ADGRL3: variants seen among roughly 807,000 people sequenced by gnomAD.
ADGRL3 encodes the protein adhesion G protein-coupled receptor L3.
ADGRL3 carries 62 observed loss-of-function variants against 153.5 expected under a neutral mutation model. The ratio of observed to expected loss-of-function variants is 0.40; its 90% CI spans 0.33 to 0.50. ADGRL3 has a LOEUF of 0.50. Ranked by LOEUF, ADGRL3 falls within the 20% of genes least tolerant of loss-of-function variation. ADGRL3 has a pLI of 0.47. For synonymous variants in ADGRL3, 710 were observed against 672.5 expected (o/e 1.06, Z -0.86); for missense variants, 1,641 against 1,859.4 (o/e 0.88, Z 2.16).
chr4:61,828,996 A>C (rs1360843147), intron 9 of ADGRL3, among the ~76,000 whole-genome samples: 2 of 152,150 alleles, frequency 1.3e-5, no homozygotes, highest in African/African-American at 4.8e-5. Context: ...ATTTGTAGGG[A>C]AATGATTTGT....
intron 4 of ADGRL3, among the ~76,000 whole-genome samples, chr4:61,531,434 A>T (rs985246000): frequency 6.6e-6 from 1 of 152,132 alleles, no homozygotes; most frequent in African/African-American, 2.4e-5. Flanking sequence ...GCCTTGCGTC[A>T]TTCTGTGGCA....
chr4:61,517,554 G>T (rs2098504685), intron 4 of ADGRL3, 36 bp downstream of exon 4: 1 of 696,920 alleles, frequency 1.4e-6, no homozygotes, highest in African/African-American at 1.8e-5. Flanking sequence ...GCTGGGGGTG[G>T]CTGGGCAGGG....
intron 1 of ADGRL3, among the ~76,000 whole-genome samples, chr4:61,223,797 C>T (rs1268139559): frequency 6.6e-6 from 1 of 152,140 alleles, no homozygotes; most frequent in Non-Finnish European, 1.5e-5. Flanking sequence ...AGCAAGCCAT[C>T]AGCTTCTAAG....
chr4:61,961,003 T>C (rs577803887), intron 17 of ADGRL3, among the ~76,000 whole-genome samples: 1 of 152,266 alleles, frequency 6.6e-6, no homozygotes, highest in South Asian at 2.1e-4. Context: ...CCACTGCACC[T>C]GGCCTAGTTT....
In ADGRL3 at chr4:61,305,518, C is replaced by G. The variant is rs947188964; in HGVS notation, c.-239-77606C>G. Among the ~76,000 whole-genome samples, 13 of 152,236 alleles carry G rather than the reference C, an allele frequency of 8.5e-5. 1 individual carries two copies. Among genetic ancestry groups the G allele is most frequent in the Admixed American group, 8.5e-4 (13 of 15,280 alleles). On this transcript the variant is annotated intron_variant, in intron 1 of 26. Coordinates refer to ENST00000683033, the MANE Select transcript of ADGRL3 (RefSeq NM_001387552.1). Reference sequence around the variant, plus strand: ...TTGGAGGGTCTGGGGCAAACCTTTTCTAAATGGACTGGCTTTTACTCAGCT... The same window carrying G: ...TTGGAGGGTCTGGGGCAAACCTTTTGTAAATGGACTGGCTTTTACTCAGCT...
chr4:61,567,861 A>G (rs554196254), intron 4 of ADGRL3, among the ~76,000 whole-genome samples: 3 of 152,308 alleles, frequency 2.0e-5, no homozygotes, highest in African/African-American at 7.2e-5. Flanking sequence ...ATTAAGAAGA[A>G]AAAATAATAG....
intron 9 of ADGRL3, among the ~76,000 whole-genome samples, chr4:61,828,665 C>T (rs1385312748): frequency 6.6e-6 from 1 of 152,166 alleles, no homozygotes; most frequent in Non-Finnish European, 1.5e-5. Context: ...GCTCTAGAGA[C>T]TGTCTTAATG....
chr4:61,452,339 TCTGCCCAG>T (rs1268155077), intron 2 of ADGRL3, among the ~76,000 whole-genome samples: 1 of 151,718 alleles, frequency 6.6e-6, no homozygotes, highest in African/African-American at 2.4e-5. Context: ...CTGCTTCCCT[TCTGCCCAG>T]TTCTGCTTCC....
chr4:61,819,316 TGA>T lies in ADGRL3; in HGVS notation c.1480+5430_1480+5431del, dbSNP rs931142795. Reference sequence around the variant, plus strand: ...ATTCTATCTCCAGTAATTTTTTTTGTGAGATTATATAGCAATATCCTTTGAAT... The same window carrying T: ...ATTCTATCTCCAGTAATTTTTTTTGTGATTATATAGCAATATCCTTTGAAT... On this transcript the variant is annotated intron_variant, in intron 9 of 26. Coordinates refer to ENST00000683033, the MANE Select transcript of ADGRL3 (RefSeq NM_001387552.1). Among the ~76,000 whole-genome samples, 125 of 152,274 alleles carry T rather than the reference TGA, an allele frequency of 8.2e-4. 2 individuals carry two copies. Among genetic ancestry groups the T allele is most frequent in the Non-Finnish European group, 3.5e-4 (24 of 67,988 alleles).
intron 6 of ADGRL3, among the ~76,000 whole-genome samples, chr4:61,685,543 G>A (rs746810860): frequency 1.4e-4 from 21 of 152,112 alleles, no homozygotes; most frequent in Admixed American, 3.3e-4. Context: ...GAATGAGAAC[G>A]AGATAGGCCA....
At chr4:61,629,994 T>G (rs1553987544) in intron 5 of ADGRL3, among the ~76,000 whole-genome samples, 1 of 152,094 alleles carries the variant, frequency 6.6e-6, no homozygotes, top group Non-Finnish European at 1.5e-5. Flanking sequence ...GTACTTCTAT[T>G]TTAACACCCC....
chr4:61,493,513 G>T (rs1246832714), intron 2 of ADGRL3, among the ~76,000 whole-genome samples: 1 of 152,106 alleles, frequency 6.6e-6, no homozygotes, highest in African/African-American at 2.4e-5. Flanking sequence ...TGAAATAAAT[G>T]ATTCCAGTTG....
At chr4:62,007,987 A>C (rs551863229) in intron 21 of ADGRL3, among the ~76,000 whole-genome samples, 49 of 152,116 alleles carry the variant, frequency 3.2e-4, no homozygotes, top group Non-Finnish European at 6.2e-4. Context: ...AGGTGAATCT[A>C]GCTTTTCAAA....
chr4:61,347,144 T>G (rs1046894232), intron 1 of ADGRL3, among the ~76,000 whole-genome samples: 13 of 152,148 alleles, frequency 8.5e-5, no homozygotes, highest in African/African-American at 2.7e-4. Context: ...CTTAAGTATC[T>G]TCACTGAATG....
chr4:61,645,338 C>T (rs957418491), intron 5 of ADGRL3, among the ~76,000 whole-genome samples: 21 of 151,266 alleles, frequency 1.4e-4, no homozygotes, highest in African/African-American at 3.9e-4. Context: ...ATGATGTTAG[C>T]TGGTGATTTT....
rs557699494 is a variant in ADGRL3, at chr4:61,845,878, A to G, written c.1480+31989A>G. Among the ~76,000 whole-genome samples the G allele has an allele frequency of 3.9e-5, 6 of 152,330 alleles. No homozygotes were observed. The South Asian group carries it at 1.0e-3, about 26-fold the overall frequency. ...TGTTTATATCATTTGATGTAAACCAATTCCTACTAGCAATTGCTTACTAGT... is the reference window on the plus strand; with the variant it reads ...TGTTTATATCATTTGATGTAAACCAGTTCCTACTAGCAATTGCTTACTAGT... On this transcript the variant is annotated intron_variant, in intron 9 of 26. Transcript: ENST00000683033.
chr4:61,654,873 G>C (rs1466497506), intron 5 of ADGRL3, among the ~76,000 whole-genome samples: 24 of 151,960 alleles, frequency 1.6e-4, no homozygotes, highest in Admixed American at 1.6e-3. Context: ...CTCCAGCTTG[G>C]GCAACAGAGC....
At chr4:61,670,120 C>A (rs1282350068) in intron 5 of ADGRL3, among the ~76,000 whole-genome samples, 1 of 152,010 alleles carries the variant, frequency 6.6e-6, no homozygotes, top group African/African-American at 2.4e-5. Context: ...ATGGTGAAAC[C>A]CCATCTGTAC....
chr4:61,300,709 A>G (rs556483185), intron 1 of ADGRL3, among the ~76,000 whole-genome samples: 2 of 151,614 alleles, frequency 1.3e-5, no homozygotes, highest in South Asian at 4.2e-4. Context: ...TGTTTGAATC[A>G]TTCTCTGCAA....
Sources: gnomAD v4.1 joint callset for allele counts (sites outside exome capture counted in the v4.1 genomes callset) on GRCh38, gnomAD v4.1.1 for gene constraint, MANE v1.5 for transcripts, NCBI Gene and HGNC (gene_info 2026-07-23, HGNC 2026-07-21) for gene names.